The following ROBO2 variants were observed in gnomAD, a reference collection of about 807,000 sequenced individuals.
ROBO2 encodes the protein roundabout guidance receptor 2.
ROBO2 carries 53 observed loss-of-function variants against 160.8 expected under a neutral mutation model. That is an observed-to-expected ratio of 0.33 (90% confidence interval 0.26 to 0.41). The LOEUF (loss-of-function observed/expected upper bound fraction) is 0.41, where lower values mean the gene tolerates loss of function less well. ROBO2 is among the 10% of genes least tolerant of loss of function. ROBO2 has a pLI of 1.00. For synonymous variants in ROBO2, 664 were observed against 611.7 expected (o/e 1.09, Z -1.26); for missense variants, 1,577 against 1,722.4 (o/e 0.92, Z 1.49).
At chr3:76,607,271 C>T (rs2087739672) in intron 2 of ROBO2, among the ~76,000 whole-genome samples, 1 of 152,162 alleles carries the variant, frequency 6.6e-6, no homozygotes, top group Non-Finnish European at 1.5e-5. Flanking sequence ...ATGAGCAATC[C>T]TCTTGCCTCA....
In ROBO2 at chr3:77,192,162, G is replaced by A. The variant is rs144233309; in HGVS notation, c.388+93822G>A. On this transcript the variant is annotated intron_variant, in intron 2 of 25. Coordinates refer to ENST00000461745, the Ensembl canonical transcript of ROBO2. ...TATTTGGTGATTTTATTAAAAGACAGTTCAAAAATAAATTTTAAATGTCAA... is the reference window on the plus strand; with the variant it reads ...TATTTGGTGATTTTATTAAAAGACAATTCAAAAATAAATTTTAAATGTCAA... Among the ~76,000 whole-genome samples, 936 of 152,214 alleles carry A rather than the reference G, an allele frequency of 6.1e-3. 8 individuals carry two copies. The highest frequency in any genetic ancestry group is 0.017 in the Middle Eastern group (5 of 292).
chr3:77,081,361 C>T (rs2068637652), intron 1 of ROBO2, among the ~76,000 whole-genome samples: 3 of 152,244 alleles, frequency 2.0e-5, no homozygotes, highest in South Asian at 2.1e-4. Context: ...AGGAACTGAG[C>T]CAGTGGAGAT....
intron 2 of ROBO2, among the ~76,000 whole-genome samples, chr3:77,099,125 G>A (rs1266140871): frequency 7.1e-6 from 1 of 141,156 alleles, no homozygotes; most frequent in African/African-American, 2.6e-5. Flanking sequence ...AGGCCGGAGT[G>A]CAATGGCGCG....
intron 21 of ROBO2, among the ~76,000 whole-genome samples, chr3:77,615,034 G>T (rs939561927): frequency 2.6e-5 from 4 of 151,994 alleles, no homozygotes; most frequent in Non-Finnish European, 4.4e-5. Flanking sequence ...TCCAAAACTA[G>T]TTTAGACCTC....
intron 2 of ROBO2, among the ~76,000 whole-genome samples, chr3:76,502,712 T>A (rs2080532244): frequency 6.6e-6 from 1 of 152,174 alleles, no homozygotes; most frequent in Admixed American, 6.5e-5. Context: ...GTATTTATCC[T>A]TTGAGTTAAA....
chr3:76,526,843 A>G (rs900654267), intron 2 of ROBO2, among the ~76,000 whole-genome samples: 6 of 152,236 alleles, frequency 3.9e-5, no homozygotes, highest in Non-Finnish European at 7.4e-5. Context: ...ATGGGAAGTT[A>G]ACAGAATATG....
chr3:76,555,375 G>GAAAAGAAGAAGAAGAAGAAGAAGAAGAA (rs1416591405), intron 2 of ROBO2, among the ~76,000 whole-genome samples: 15 of 52,012 alleles, frequency 2.9e-4, no homozygotes, highest in African/African-American at 5.6e-4. Context: ...AGAAGAAGAA[G>GAAAAGAAGAAGAAGAAGAAGAAGAAGAA]AAGAAGAAGA....
chr3:76,407,315 A>G (rs1393489817), intron 2 of ROBO2, among the ~76,000 whole-genome samples: 2 of 151,928 alleles, frequency 1.3e-5, no homozygotes, highest in Non-Finnish European at 2.9e-5. Context: ...TGTCTAAACT[A>G]TTCCTGTTAA....
Position 76,671,245 on chromosome 3 carries a change from A to G in ROBO2, c.110-426769A>G, listed in dbSNP as rs2092252341. On this transcript the variant is annotated intron_variant, in intron 2 of 26. Coordinates refer to the ROBO2 transcript ENST00000487694. ...GTCAATGGAAGACATTATATTAGAC[A>G]TATATTCACTTTGGGCTTTTTTTCC... Among the ~76,000 whole-genome samples the G allele has an allele frequency of 1.3e-5, 2 of 152,160 alleles. 1 individual carries two copies. Among genetic ancestry groups the G allele is most frequent in the Admixed American group, 1.3e-4 (2 of 15,238 alleles).
chr3:77,389,069 C>G (rs1038385375), intron 2 of ROBO2, among the ~76,000 whole-genome samples: 1 of 152,088 alleles, frequency 6.6e-6, no homozygotes, highest in South Asian at 2.1e-4. Context: ...CTCAGCCTCC[C>G]GAGTAGCTGG....
chr3:77,305,231 A>G (rs1404547353), intron 2 of ROBO2, among the ~76,000 whole-genome samples: 2 of 152,268 alleles, frequency 1.3e-5, no homozygotes, highest in East Asian at 1.9e-4. Context: ...AAAATGTGCA[A>G]TAAACACCTT....
At chr3:76,327,509 A>G (rs187933314) in intron 2 of ROBO2, among the ~76,000 whole-genome samples, 1 of 152,326 alleles carries the variant, frequency 6.6e-6, no homozygotes, top group African/African-American at 2.4e-5. Context: ...ATATCATAAA[A>G]AGTAAAAATT....
chr3:76,888,501 G>A (rs919188725), intron 2 of ROBO2, among the ~76,000 whole-genome samples: 1 of 152,058 alleles, frequency 6.6e-6, no homozygotes, highest in Non-Finnish European at 1.5e-5. Context: ...TATTGTACCC[G>A]TAATAGGCAT....
intron 2 of ROBO2, among the ~76,000 whole-genome samples, chr3:76,380,732 T>A (rs926469469): frequency 6.6e-6 from 1 of 152,148 alleles, no homozygotes; most frequent in African/African-American, 2.4e-5. Context: ...ATGTGGATTT[T>A]CTACTACACA....
intron 23 of ROBO2, among the ~76,000 whole-genome samples, chr3:77,625,611 C>T (rs1346252970): frequency 6.6e-6 from 1 of 152,072 alleles, no homozygotes; most frequent in African/African-American, 2.4e-5. Context: ...CTCTTGACCT[C>T]GTGATCCATC....
chr3:77,521,807 C>T (rs2090627826), intron 5 of ROBO2, among the ~76,000 whole-genome samples: 1 of 151,142 alleles, frequency 6.6e-6, no homozygotes, highest in African/African-American at 2.4e-5. Context: ...GTTTTAAATG[C>T]AAGCCTAAAA....
chr3:76,550,031 C>T (rs891926760), intron 2 of ROBO2, among the ~76,000 whole-genome samples: 3 of 152,190 alleles, frequency 2.0e-5, no homozygotes, highest in African/African-American at 7.2e-5. Flanking sequence ...AAGTAATAAA[C>T]ATCTGACTGT....
rs562791977 is a variant in ROBO2 at position 76,871,361 on chromosome 3, C to T, written c.110-226653C>T. On this transcript the variant is annotated intron_variant, in intron 2 of 26. Coordinates refer to the ROBO2 transcript ENST00000487694. The stretch of plus-strand genomic sequence containing the variant: ...CGAGGTCAGGAGATCGAGACCATCC[C>T]GGCTAAAACGGTGAAACCCCGTCTC... Among the ~76,000 whole-genome samples, 18 of 151,312 alleles carry T rather than the reference C, an allele frequency of 1.2e-4. No homozygotes were observed. In the South Asian group the frequency reaches 1.5e-3, roughly 12 times the overall value.
chr3:77,043,573 T>C (rs2064312468), intron 1 of ROBO2, among the ~76,000 whole-genome samples: 1 of 152,188 alleles, frequency 6.6e-6, no homozygotes, highest in Non-Finnish European at 1.5e-5. Flanking sequence ...ATGTAAATAA[T>C]GGTTTTCTTA....
Sources: allele counts gnomAD v4.1 joint callset (sites outside exome capture counted in the v4.1 genomes callset), GRCh38; gene constraint gnomAD v4.1.1; transcripts MANE v1.5; gene names NCBI Gene and HGNC (gene_info 2026-07-23, HGNC 2026-07-21).